The following TEX13A variants were observed in gnomAD, a reference collection of about 807,000 sequenced individuals.
TEX13A encodes testis-expressed protein 13A.
Under a neutral mutation model 7.1 loss-of-function variants are expected in TEX13A, and 8 were observed. The observed-to-expected ratio is 1.12, with a 90% CI of 0.66 to 2.03. TEX13A has a LOEUF of 2.03. Ranked by LOEUF, TEX13A falls within the 30% of genes most tolerant of loss-of-function variation. The pLI, the probability that TEX13A is intolerant of heterozygous loss-of-function variation, is 0.00. For synonymous variants in TEX13A, 151 were observed against 134.2 expected (o/e 1.13, Z -0.87); for missense variants, 362 against 332.2 (o/e 1.09, Z -0.70).
At position 105,219,453 on chromosome X, in the gene TEX13A, C is replaced by G. The variant is rs180688423; in HGVS notation, c.741G>C (p.Gln247His). The G allele has an allele frequency of 6.3e-5, 76 of 1,207,467 alleles. No homozygotes were observed. In the African/African-American group the frequency reaches 1.2e-3, roughly 19 times the overall value. Residue 247 changes from glutamine to histidine, a missense_variant, in exon 3 of 3, where the codon CAG becomes CAC. By Grantham distance (24) the Gln-to-His change is conservative. Transcript: ENST00000600991. ...TTTCCTGATCAGCATCTCCAAGGAG[C>G]TGCAGGAGGATTCTCTCCAGCTTCT... ...TTEKLERILL[Q>H]LLGDADQEKY...
chrX:105,219,521 A>G lies in TEX13A; in HGVS notation c.673T>C (p.Phe225Leu), dbSNP rs1376535407. Residue 225 changes from phenylalanine (F) to leucine (L), a missense_variant, in exon 3 of 3, where the codon TTC (phenylalanine) becomes CTC (leucine). Transcript: ENST00000600991. Reference sequence around the variant, plus strand: ...GCAGCCCTGGCCTCCACGTGGGGGAACTGGGTCTCCATGGGGGCAGCCCCA... The same window carrying G: ...GCAGCCCTGGCCTCCACGTGGGGGAGCTGGGTCTCCATGGGGGCAGCCCCA... ...EAGAAPMETQ[F>L]PHVEARAASM... 1.7e-6 allele frequency: 2 copies of G among 1,205,884 alleles called. No homozygotes were observed. Among genetic ancestry groups the G allele is most frequent in the Admixed American group, 4.4e-5 (2 of 45,629 alleles).
rs2033935892 is a variant in TEX13A at position 105,220,034 on chromosome X, G to A, written c.364C>T (p.Arg122Cys). 5.0e-6 allele frequency: 6 copies of A among 1,211,298 alleles called. No individual in the cohort carries two copies. Among genetic ancestry groups the A allele is most frequent in the East Asian group, 3.0e-5 (1 of 33,815 alleles). The change falls in exon 2 of 3, where the codon CGC becomes TGC. Residue 122 changes from arginine (R) to cysteine (C), a missense_variant. Arg to Cys is a radical substitution (Grantham distance 180, BLOSUM62 -3). Transcript: ENST00000600991. ...KKLREQQETERKEAASRLRMA... is the reference protein window; with the variant it reads ...KKLREQQETECKEAASRLRMA... The stretch of plus-strand genomic sequence containing the variant: ...CTTAGCCGGGAGGCCGCCTCCTTGC[G>A]TTCCGTCTCCTGCTGCTCCCTGAGC...
At position 105,219,699 on chromosome X, in the gene TEX13A, G is replaced by A. The variant is rs782369813; in HGVS notation, c.495C>T (p.Ala165=). The change falls in exon 3 of 3, where the codon GCC becomes GCT. Residue 165 remains alanine (A), a synonymous_variant. Coordinates refer to ENST00000600991, the MANE Select transcript of TEX13A (RefSeq NM_031274.5). ...QGAGWPGLAT[A]GGVCTEGAAE... ...CTGCTCCTTCTGTGCAAACCCCTCC[G>A]GCAGTGGCCAGGCCTGGCCACCCTG... The A allele has an allele frequency of 1.1e-5, 13 of 1,207,188 alleles. No individual in the cohort carries two copies. The highest frequency in any genetic ancestry group is 1.8e-5 in the South Asian group (1 of 56,758).
Position 105,219,730 on chromosome X carries a change from T to C in TEX13A, c.464A>G (p.Gln155Arg). 1 of 1,186,930 alleles carries C rather than the reference T, an allele frequency of 8.4e-7. No individual in the cohort carries two copies. ...GGCCAGGCCTGGCCACCCTGCCCCC[T>C]GCTCCCACTCATGGGGAGACACCAG... ...KELVSPHEWE[Q>R]GAGWPGLATA... The change falls in exon 3 of 3, where the codon CAG becomes CGG. Residue 155 changes from glutamine to arginine, a missense_variant. Transcript: ENST00000600991.
rs782699507 is a variant in TEX13A at position 105,220,086 on chromosome X, T to A, written c.312A>T (p.Ala104=). The change falls in exon 2 of 3, where the codon GCA becomes GCT. Residue 104 remains alanine (A), a synonymous_variant. Transcript: ENST00000600991. The part of the protein sequence containing the change: ...HGFAKLHKSA[A]QALASDLKKL... ...TCTTCAGGTCTGATGCCAAGGCCTGTGCGGCTGATTTGTGCAGTTTGGCGA... is the reference window on the plus strand; with the variant it reads ...TCTTCAGGTCTGATGCCAAGGCCTGAGCGGCTGATTTGTGCAGTTTGGCGA... 8.3e-6 allele frequency: 10 copies of A among 1,210,233 alleles called. No individual in the cohort carries two copies. The African/African-American group carries it at 1.7e-4, about 21-fold the overall frequency.
chrX:105,219,055 C>T lies in TEX13A; in HGVS notation c.1139G>A (p.Trp380Ter). ...RPPVYRRPGDWDCPWCNAVNF... is the reference protein window; with the variant it reads ...RPPVYRRPGD The stretch of plus-strand genomic sequence containing the variant: ...CACAGCGTTACACCAAGGGCAGTCC[C>T]AGTCCCCTGGCCTGCGATATACTGG... Residue 380 changes from tryptophan (W) to a stop codon, truncating the protein, a stop_gained, in exon 3 of 3, where the codon TGG becomes TAG. Coordinates refer to ENST00000600991, the MANE Select transcript of TEX13A (RefSeq NM_031274.5). LOFTEE classifies it high-confidence loss of function. 2.5e-6 allele frequency: 3 copies of T among 1,211,082 alleles called. No individual in the cohort carries two copies. Among genetic ancestry groups the T allele is most frequent in the Non-Finnish European group, 3.4e-6 (3 of 894,860 alleles).
chrX:105,219,560 G>A lies in TEX13A; in HGVS notation c.634C>T (p.Pro212Ser), dbSNP rs2033919345. ...GGGGCAGCCCCAGCCTCCACAGGGG[G>A]AGCCATGGCCTCCACAGGGGCAGCC... ...VVAAPVEAMA[P>S]PVEAGAAPME... Residue 212 changes from proline (P) to serine (S), a missense_variant, in exon 3 of 3, where the codon CCC (proline) becomes TCC (serine). Pro to Ser is a moderately conservative substitution (Grantham distance 74). Coordinates refer to ENST00000600991, the MANE Select transcript of TEX13A (RefSeq NM_031274.5). 1 of 1,206,795 alleles carries A rather than the reference G, an allele frequency of 8.3e-7. No homozygotes were observed. Among genetic ancestry groups the A allele is most frequent in the Admixed American group, 2.2e-5 (1 of 45,720 alleles).
At chrX:105,219,941 C>T in intron 2 of TEX13A, 22 bp downstream of exon 2, 1 of 1,178,727 alleles carries the variant, frequency 8.5e-7, no homozygotes, top group Non-Finnish European at 1.1e-6. Flanking sequence ...GATCTTACTG[C>T]ATGGAGCGGC....
Position 105,220,123 on chromosome X carries a change from C to G in TEX13A, c.275G>C (p.Trp92Ser). ...QAQLQRHRVR[W>S]LHGFAKLHKS... ...GTGCAGTTTGGCGAAGCCGTGCAGC[C>G]ACCGCACCCTGTGCCTTTGTAGCTG... Residue 92 changes from tryptophan to serine, a missense_variant, in exon 2 of 3, where the codon TGG (tryptophan) becomes TCG (serine). Coordinates refer to ENST00000600991, the MANE Select transcript of TEX13A (RefSeq NM_031274.5). 1 of 1,211,647 alleles carries G rather than the reference C, an allele frequency of 8.3e-7. No individual in the cohort carries two copies. Among genetic ancestry groups the G allele is most frequent in the Non-Finnish European group, 1.1e-6 (1 of 895,417 alleles).
chrX:105,220,080 G>A lies in TEX13A; in HGVS notation c.318C>T (p.Ala106=), dbSNP rs1556178785. 18 of 1,211,623 alleles carry A rather than the reference G, an allele frequency of 1.5e-5. No homozygotes were observed. Among genetic ancestry groups the A allele is most frequent in the Non-Finnish European group, 1.7e-5 (15 of 895,317 alleles). The stretch of plus-strand genomic sequence containing the variant: ...TGAGCTTCTTCAGGTCTGATGCCAA[G>A]GCCTGTGCGGCTGATTTGTGCAGTT... ...FAKLHKSAAQ[A]LASDLKKLRE... is the part of the protein sequence containing the mutation. Residue 106 remains alanine, a synonymous_variant, in exon 2 of 3, where the codon GCC becomes GCT. Coordinates refer to ENST00000600991, the MANE Select transcript of TEX13A (RefSeq NM_031274.5).
chrX:105,220,482 C>A, intron 1 of TEX13A, 53 bp from the exon 2 acceptor site: 1 of 875,771 alleles, frequency 1.1e-6, no homozygotes, highest in East Asian at 3.4e-5. Flanking sequence ...AGCCCCTCCC[C>A]TCATCCATCT....
chrX:105,220,531 A>G, intron 1 of TEX13A, 64 bp downstream of exon 1: 1 of 604,774 alleles, frequency 1.7e-6, no homozygotes, highest in Non-Finnish European at 2.4e-6. Context: ...CGCTCTGACA[A>G]GACCGTCCTA....
chrX:105,219,363 G>A lies in TEX13A; in HGVS notation c.831C>T (p.Phe277=), dbSNP rs782280904. The A allele has an allele frequency of 8.3e-6, 10 of 1,209,295 alleles. No individual in the cohort carries two copies. Among genetic ancestry groups the A allele is most frequent in the Non-Finnish European group, 1.1e-5 (10 of 894,970 alleles). Residue 277 remains phenylalanine (F), a synonymous_variant, in exon 3 of 3, where the codon TTC becomes TTT. Coordinates refer to ENST00000600991, the MANE Select transcript of TEX13A (RefSeq NM_031274.5). ...TGGACCAGGGGTTCGTGGTTCCAGA[G>A]AAATAAGATGTGGCTGTTTCGACCG... is the stretch of plus-strand genomic sequence containing the variant. The part of the protein sequence containing the change: ...LRSVETATSY[F]SGTTNPWSRA...
At position 105,219,495 on chromosome X, in the gene TEX13A, G is replaced by A; in HGVS notation, c.699C>T (p.Ala233=). Residue 233 remains alanine, a synonymous_variant, in exon 3 of 3, where the codon GCC becomes GCT. Transcript: ENST00000600991. ...TQFPHVEARA[A]SMETTEKLER... ...CCAGCTTCTCTGTGGTCTCCATGGAGGCAGCCCTGGCCTCCACGTGGGGGA... is the reference window on the plus strand; with the variant it reads ...CCAGCTTCTCTGTGGTCTCCATGGAAGCAGCCCTGGCCTCCACGTGGGGGA... The A allele has an allele frequency of 8.3e-7, 1 of 1,209,684 alleles. No individual in the cohort carries two copies.
In TEX13A at chrX:105,220,217, T is replaced by C; in HGVS notation, c.181A>G (p.Ser61Gly). The C allele has an allele frequency of 8.3e-7, 1 of 1,211,782 alleles. No individual in the cohort carries two copies. Among genetic ancestry groups the C allele is most frequent in the Middle Eastern group, 2.3e-4 (1 of 4,349 alleles). The stretch of plus-strand genomic sequence containing the variant: ...CAGGTGCAGGCCTCTTTGACCTCAC[T>C]GGGCACCTCGCTGTCCTCCAGTATG... ...RAILEDSEVP[S>G]EVKEACTWGS... Residue 61 changes from serine (S) to glycine (G), a missense_variant, in exon 2 of 3, where the codon AGT becomes GGT. Transcript: ENST00000600991.
chrX:105,220,319 T>C lies in TEX13A; in HGVS notation c.79A>G (p.Arg27Gly), dbSNP rs782091176. ...TAGAACTCGGGGCCTTTCGTGTGCC[T>C]GGCCATTTTCTCGTTGATGAAGGCC... ...VVAFINEKMA[R>G]HTKGPEFYLE... The change falls in exon 2 of 3, where the codon AGG (arginine) becomes GGG (glycine). Residue 27 changes from arginine to glycine, a missense_variant. Transcript: ENST00000600991. 45 of 1,207,737 alleles carry C rather than the reference T, an allele frequency of 3.7e-5. No individual in the cohort carries two copies. The East Asian group carries it at 1.2e-3, about 32-fold the overall frequency.
Position 105,219,125 on chromosome X carries a change from G to A in TEX13A, c.1069C>T (p.His357Tyr), listed in dbSNP as rs377746539. 9.1e-6 allele frequency: 11 copies of A among 1,209,069 alleles called. No homozygotes were observed. Among genetic ancestry groups the A allele is most frequent in the Non-Finnish European group, 1.2e-5 (11 of 894,985 alleles). The part of the protein sequence containing the change: ...GGPHRIDHQE[H>Y]PRDRRYSEPH... ...TCGGAGTATCTCCTGTCTCTTGGGT[G>A]CTCCTGATGGTCTATTCTGTGGGGC... The change falls in exon 3 of 3, where the codon CAC (histidine) becomes TAC (tyrosine). Residue 357 changes from histidine to tyrosine, a missense_variant. Physicochemically the swap from His to Tyr is moderately conservative, Grantham distance 83. Coordinates refer to ENST00000600991, the MANE Select transcript of TEX13A (RefSeq NM_031274.5).
chrX:105,220,341 G>T lies in TEX13A; in HGVS notation c.57C>A (p.Ala19=). 8.3e-7 allele frequency: 1 copy of T among 1,206,532 alleles called. No homozygotes were observed. Among genetic ancestry groups the T allele is most frequent in the Admixed American group, 2.2e-5 (1 of 45,906 alleles). The change falls in exon 2 of 3, where the codon GCC becomes GCA. Residue 19 remains alanine (A), a synonymous_variant. Transcript: ENST00000600991. ...GCCTGGCCATTTTCTCGTTGATGAA[G>T]GCCACCACGTTGCTATGCCGGAACC... The part of the protein sequence containing the change: ...SSGFRHSNVV[A]FINEKMARHT...
chrX:105,219,804 G>A (rs1556177754), intron 2 of TEX13A, 46 bp from the exon 3 acceptor site: 2 of 1,144,728 alleles, frequency 1.7e-6, no homozygotes, highest in Admixed American at 2.3e-5. Flanking sequence ...GGGGCAAGGC[G>A]GGAGCACTAA....
Sources: allele counts gnomAD v4.1 joint callset, GRCh38; gene constraint gnomAD v4.1.1; transcripts MANE v1.5; gene names NCBI Gene and HGNC (gene_info 2026-07-23, HGNC 2026-07-21).